RBPMS: variants seen among roughly 807,000 people sequenced by gnomAD.
The protein encoded by RBPMS is RNA binding protein, mRNA processing factor.
Under a neutral mutation model 26.8 loss-of-function variants are expected in RBPMS, and 7 were observed. The ratio of observed to expected loss-of-function variants is 0.26; its 90% CI spans 0.15 to 0.49. The LOEUF (loss-of-function observed/expected upper bound fraction) is 0.49, where lower values mean the gene tolerates loss of function less well. Ranked by LOEUF, RBPMS falls within the 20% of genes least tolerant of loss-of-function variation. The pLI is 0.98. For synonymous variants in RBPMS, 96 were observed against 93.3 expected, an observed-to-expected ratio of 1.03 and a Z score of -0.17; for missense variants, 186 against 250.0, an observed-to-expected ratio of 0.74 and a Z score of 1.73.
intron 5 of RBPMS, among the ~76,000 whole-genome samples, chr8:30,521,296 C>A (rs1039061864): frequency 3.9e-5 from 6 of 152,088 alleles, no homozygotes; most frequent in African/African-American, 1.4e-4. Context: ...TTTGAATAAG[C>A]CCTTTAGTTG....
chr8:30,434,957 T>C (rs1812296682), intron 1 of RBPMS, among the ~76,000 whole-genome samples: 2 of 152,188 alleles, frequency 1.3e-5, no homozygotes, highest in Admixed American at 1.3e-4. Context: ...AATGGAAGTG[T>C]TCTAAGACAT....
intron 4 of RBPMS, among the ~76,000 whole-genome samples, chr8:30,481,557 T>C (rs187024256): frequency 7.0e-4 from 106 of 152,236 alleles, no homozygotes; most frequent in Non-Finnish European, 8.8e-4. Flanking sequence ...TTTTTTTTTT[T>C]CACTGGCAGT....
rs533921540 is a variant in RBPMS, at chr8:30,531,901, C to T, written c.398-12593C>T. Among the ~76,000 whole-genome samples the T allele has an allele frequency of 8.5e-5, 13 of 152,222 alleles. No individual in the cohort carries two copies. The East Asian group carries it at 9.6e-4, about 11-fold the overall frequency. On this transcript the variant is annotated intron_variant, in intron 5 of 8. Transcript: ENST00000397323. ...TGTAAATTGGCAGGTTCATTGCAGC[C>T]GGTGGAATGAATGATAAGGGAATTG...
At chr8:30,395,461 C>CAAAAA (rs55914538) in intron 1 of RBPMS, among the ~76,000 whole-genome samples, 11 of 43,798 alleles carry the variant, frequency 2.5e-4, no homozygotes, top group African/African-American at 1.6e-3. Context: ...GACTCTGTCT[C>CAAAAA]AAAAAAAAAA....
At chr8:30,472,511 T>TGTTTCTTAG (rs1420853085) in intron 1 of RBPMS, among the ~76,000 whole-genome samples, 3 of 152,238 alleles carry the variant, frequency 2.0e-5, no homozygotes, top group Admixed American at 6.5e-5. Context: ...TTGGTTGTGA[T>TGTTTCTTAG]GTTTCTTAGG....
intron 5 of RBPMS, among the ~76,000 whole-genome samples, chr8:30,543,069 A>G (rs1255633096): frequency 6.6e-6 from 1 of 152,096 alleles, no homozygotes; most frequent in Non-Finnish European, 1.5e-5. Flanking sequence ...TGCCTTGTTG[A>G]GAGGAGAAGG....
At chr8:30,465,525 G>A (rs1453366811) in intron 1 of RBPMS, among the ~76,000 whole-genome samples, 2 of 152,240 alleles carry the variant, frequency 1.3e-5, no homozygotes, top group African/African-American at 4.8e-5. Context: ...AGTGGCTCAC[G>A]CCTGTAATCC....
At chr8:30,564,048 G>C (rs1439988462) in intron 7 of RBPMS, 1 of 152,220 alleles carries the variant, frequency 6.6e-6, no homozygotes, top group Non-Finnish European at 1.5e-5. Context: ...GGTGGTGATA[G>C]TATTCAGGGA....
At chr8:30,529,644 T>A (rs924823966) in intron 5 of RBPMS, among the ~76,000 whole-genome samples, 6 of 152,202 alleles carry the variant, frequency 3.9e-5, no homozygotes, top group African/African-American at 9.6e-5. Flanking sequence ...TCTAGAGACA[T>A]CATATAAGTG....
chr8:30,533,330 C>T (rs938066896), intron 5 of RBPMS, among the ~76,000 whole-genome samples: 6 of 152,178 alleles, frequency 3.9e-5, no homozygotes, highest in Non-Finnish European at 8.8e-5. Flanking sequence ...CAGGCAACAG[C>T]AGATGTTTCC....
chr8:30,392,998 G>A (rs977579817), intron 1 of RBPMS, among the ~76,000 whole-genome samples: 2 of 152,234 alleles, frequency 1.3e-5, no homozygotes, highest in African/African-American at 2.4e-5. Flanking sequence ...TCTAGGAAAC[G>A]TTGTGAGGGT....
At chr8:30,411,997 AAAAAC>A (rs1379081019) in intron 1 of RBPMS, among the ~76,000 whole-genome samples, 28 of 140,020 alleles carry the variant, frequency 2.0e-4, no homozygotes, top group South Asian at 4.3e-4. Context: ...AAAAAAAAAA[AAAAAC>A]AAAAACAAAA....
chr8:30,476,786 T>A (rs1817746158), intron 2 of RBPMS, among the ~76,000 whole-genome samples: 1 of 152,194 alleles, frequency 6.6e-6, no homozygotes, highest in African/African-American at 2.4e-5. Context: ...CAGCTATTGA[T>A]TATTTTCAGA....
chr8:30,552,306 C>G (rs958290893), intron 6 of RBPMS: 3 of 152,144 alleles, frequency 2.0e-5, no homozygotes, highest in Admixed American at 6.5e-5. Context: ...CACAGAGAAA[C>G]TTTGGAATTA....
intron 1 of RBPMS, among the ~76,000 whole-genome samples, chr8:30,436,295 G>A (rs1812441013): frequency 6.6e-6 from 1 of 152,004 alleles, no homozygotes; most frequent in African/African-American, 2.4e-5. Flanking sequence ...CAGTTCCAAT[G>A]GTTGCACACT....
At chr8:30,478,450 A>T (rs1192224968) in intron 3 of RBPMS, among the ~76,000 whole-genome samples, 1 of 152,098 alleles carries the variant, frequency 6.6e-6, no homozygotes, top group Non-Finnish European at 1.5e-5. Context: ...GGGAGTCCAA[A>T]GGGATTATGG....
At chr8:30,448,257 A>C (rs1814111077) in intron 1 of RBPMS, among the ~76,000 whole-genome samples, 1 of 152,176 alleles carries the variant, frequency 6.6e-6, no homozygotes. Context: ...CTTGTATTTG[A>C]CATTTTTCAC....
At chr8:30,505,893 T>TA (rs1417362677) in intron 5 of RBPMS, among the ~76,000 whole-genome samples, 1 of 152,224 alleles carries the variant, frequency 6.6e-6, no homozygotes, top group Admixed American at 6.5e-5. Flanking sequence ...CCTGATTTAG[T>TA]AAAAATAACC....
chr8:30,497,659 C>T (rs964364780), intron 4 of RBPMS, among the ~76,000 whole-genome samples: 1 of 152,028 alleles, frequency 6.6e-6, no homozygotes, highest in Non-Finnish European at 1.5e-5. Flanking sequence ...CTCTGTCGCC[C>T]AGGCTGGAGT....
Sources: gnomAD v4.1 joint callset for allele counts (sites outside exome capture counted in the v4.1 genomes callset) on GRCh38, gnomAD v4.1.1 for gene constraint, MANE v1.5 for transcripts, NCBI Gene and HGNC (gene_info 2026-07-23, HGNC 2026-07-21) for gene names.